Variants in UBE2D3 observed in about 807,000 individuals in gnomAD.
The protein encoded by UBE2D3 is ubiquitin-conjugating enzyme E2 D3.
Under a neutral mutation model 22.8 loss-of-function variants are expected in UBE2D3, and 2 were observed. That is an observed-to-expected ratio of 0.09 (90% CI 0.04 to 0.28). The LOEUF (loss-of-function observed/expected upper bound fraction) is 0.28. UBE2D3 is among the 10% of genes least tolerant of loss of function. UBE2D3 has a pLI of 1.00. For synonymous variants in UBE2D3, 56 were observed against 60.4 expected (o/e 0.93, Z 0.34); for missense variants, 27 against 182.5 (o/e 0.15, Z 4.91).
intron 2 of UBE2D3, among the ~76,000 whole-genome samples, chr4:102,818,816 TATCTTG>T (rs1729135125): frequency 6.6e-6 from 1 of 152,178 alleles, no homozygotes; most frequent in South Asian, 2.1e-4. Context: ...GCAAATGGTT[TATCTTG>T]AGGAAGACCT....
chr4:102,821,627 A>C (rs1160210872), intron 2 of UBE2D3, among the ~76,000 whole-genome samples: 1 of 152,076 alleles, frequency 6.6e-6, no homozygotes, highest in African/African-American at 2.4e-5. Context: ...TTAAATTCTA[A>C]ACAATCTGAC....
At chr4:102,844,742 G>C (rs1380043902) in intron 1 of UBE2D3, among the ~76,000 whole-genome samples, 1 of 151,896 alleles carries the variant, frequency 6.6e-6, no homozygotes. Context: ...GCCAGCCTGG[G>C]CCGGGCGGTG....
chr4:102,797,563 A>T (rs1466094738), intron 7 of UBE2D3, 103 bp from the exon 8 acceptor site: 1 of 870,262 alleles, frequency 1.1e-6, no homozygotes, highest in Non-Finnish European at 1.7e-6. Context: ...CTCATCATGA[A>T]GTCATCTCTA....
rs1726340964 is a variant in UBE2D3 at position 102,802,561 on chromosome 4, C to T, written c.198G>A (p.Lys66=). 1 of 1,604,630 alleles carries T rather than the reference C, an allele frequency of 6.2e-7. No individual in the cohort carries two copies. The change falls in exon 5 of 8, where the codon AAG becomes AAA. Residue 66 remains lysine, a splice_region_variant and synonymous_variant. Coordinates refer to ENST00000453744, the MANE Select transcript of UBE2D3 (RefSeq NM_181891.3). ...FPTDYPFKPP[K]VAFTTRIYHP... is the part of the protein sequence containing the mutation. ...ACAGATTTTGAGGGAAAATACTTGC[C>T]TTAGGTGGTTTGAAGGGGTAGTCTG...
chr4:102,835,001 ACTCT>A (rs756954192), intron 1 of UBE2D3, among the ~76,000 whole-genome samples: 31 of 151,320 alleles, frequency 2.0e-4, no homozygotes, highest in Middle Eastern at 3.4e-3. Flanking sequence ...TCCAATCCCC[ACTCT>A]CTCAGGATAC....
At chr4:102,834,235 A>C (rs993474193) in intron 1 of UBE2D3, among the ~76,000 whole-genome samples, 1 of 152,170 alleles carries the variant, frequency 6.6e-6, no homozygotes, top group Admixed American at 6.5e-5. Context: ...AACTTTTCTT[A>C]TACTTTTGTT....
At chr4:102,807,264 T>C (rs971848168) in intron 4 of UBE2D3, among the ~76,000 whole-genome samples, 4 of 152,192 alleles carry the variant, frequency 2.6e-5, no homozygotes, top group African/African-American at 9.7e-5. Flanking sequence ...CTACTATTTA[T>C]CTTATACAGT....
chr4:102,825,658 T>C (rs1384801798), intron 2 of UBE2D3: 6 of 960,510 alleles, frequency 6.2e-6, no homozygotes, highest in Non-Finnish European at 7.3e-6. Flanking sequence ...TAATATACTA[T>C]CAAACCACAT....
chr4:102,819,329 C>CAA lies in UBE2D3; in HGVS notation c.24+7154_24+7155dup, dbSNP rs762178343. On this transcript the variant is annotated intron_variant, in intron 2 of 7. Transcript: ENST00000453744. ...TGGGCAGCTGACCAAGACTCCGCCTCAAAAAAAAAAAAAAAAATTCCCTCC... is the reference window on the plus strand; with the variant it reads ...TGGGCAGCTGACCAAGACTCCGCCTCAAAAAAAAAAAAAAAAAAATTCCCTCC... Among the ~76,000 whole-genome samples, 539 of 85,456 alleles carry CAA rather than the reference C, an allele frequency of 6.3e-3. 5 individuals are homozygous for CAA. The highest frequency in any genetic ancestry group is 0.018 in the African/African-American group (487 of 27,056). The allele number at this position is 85,456 out of a possible 152,430, so 56.1% of individuals were successfully genotyped here.
At chr4:102,832,694 A>G (rs1731178047) in intron 1 of UBE2D3, among the ~76,000 whole-genome samples, 1 of 152,192 alleles carries the variant, frequency 6.6e-6, no homozygotes, top group Non-Finnish European at 1.5e-5. Flanking sequence ...TTCTCCCTCC[A>G]GTTACCTTTA....
chr4:102,841,755 A>G (rs1461808071), intron 1 of UBE2D3, among the ~76,000 whole-genome samples: 6 of 152,212 alleles, frequency 3.9e-5, no homozygotes, highest in African/African-American at 1.4e-4. Flanking sequence ...GACTTGCCCA[A>G]GGTGACAGGA....
intron 2 of UBE2D3, among the ~76,000 whole-genome samples, chr4:102,814,543 T>C (rs1728532214): frequency 6.6e-6 from 1 of 150,816 alleles, no homozygotes; most frequent in South Asian, 2.1e-4. Context: ...CCTCAAGTGA[T>C]CCGCCTGCCT....
chr4:102,820,651 T>C (rs920624854), intron 2 of UBE2D3, among the ~76,000 whole-genome samples: 1 of 152,154 alleles, frequency 6.6e-6, no homozygotes, highest in Non-Finnish European at 1.5e-5. Flanking sequence ...TATTTAAAAA[T>C]GGGCAAAGAA....
At chr4:102,858,577 C>A (rs963203013) in intron 1 of UBE2D3, among the ~76,000 whole-genome samples, 2 of 151,546 alleles carry the variant, frequency 1.3e-5, no homozygotes, top group East Asian at 3.9e-4. Flanking sequence ...AAGTCATTTT[C>A]GACTTTAAAA....
chr4:102,857,750 G>A (rs1487233987), intron 1 of UBE2D3, among the ~76,000 whole-genome samples: 2 of 152,150 alleles, frequency 1.3e-5, no homozygotes, highest in East Asian at 3.8e-4. Flanking sequence ...CTGGAGTGCA[G>A]TGCTGCGATC....
At chr4:102,829,929 C>A (rs1055500729), upstream of UBE2D3, among the ~76,000 whole-genome samples, 2 of 151,706 alleles carry the variant, frequency 1.3e-5, no homozygotes, top group South Asian at 2.1e-4. Flanking sequence ...CAAAAAAAAA[C>A]AAGAACAAAA....
At chr4:102,820,148 C>T (rs1342686266) in intron 2 of UBE2D3, among the ~76,000 whole-genome samples, 1 of 152,152 alleles carries the variant, frequency 6.6e-6, no homozygotes, top group African/African-American at 2.4e-5. Context: ...CAATAGAGGT[C>T]GAAGTGCAGT....
At chr4:102,830,525 A>G (rs1478093314), upstream of UBE2D3, among the ~76,000 whole-genome samples, 1 of 152,236 alleles carries the variant, frequency 6.6e-6, no homozygotes, top group Non-Finnish European at 1.5e-5. Flanking sequence ...AGTAGATCAG[A>G]TTATCTTGCA....
intron 7 of UBE2D3, chr4:102,798,922 T>C: frequency 6.2e-7 from 1 of 1,611,742 alleles, no homozygotes; most frequent in East Asian, 2.2e-5. Flanking sequence ...GTGCAGATCC[T>C]CTTACCCTAC....
Sources: allele counts gnomAD v4.1 joint callset (sites outside exome capture counted in the v4.1 genomes callset), GRCh38; gene constraint gnomAD v4.1.1; transcripts MANE v1.5; gene names NCBI Gene and HGNC (gene_info 2026-07-23, HGNC 2026-07-21).